Variants in CLVS1 observed in about 807,000 individuals in gnomAD.
CLVS1 encodes the protein clavesin 1.
Under a neutral mutation model 33.1 loss-of-function variants are expected in CLVS1, and 10 were observed. That is an observed-to-expected ratio of 0.30 (90% CI 0.19 to 0.51). CLVS1 has a LOEUF of 0.51. Ranked by LOEUF, CLVS1 falls within the 20% of genes least tolerant of loss-of-function variation. CLVS1 has a pLI of 0.97. For missense variants in CLVS1, 343 were observed against 433.4 expected, an observed-to-expected ratio of 0.79 and a Z score of 1.85; for synonymous variants, 163 against 166.1, an observed-to-expected ratio of 0.98 and a Z score of 0.14.
At chr8:61,259,844 GT>G (rs958359536) in intron 2 of CLVS1, among the ~76,000 whole-genome samples, 7 of 152,288 alleles carry the variant, frequency 4.6e-5, no homozygotes, top group African/African-American at 1.7e-4. Flanking sequence ...GCAGCTGTGG[GT>G]ATATCCCTGC....
At chr8:61,289,280 C>A (rs995784341) in intron 1 of CLVS1, among the ~76,000 whole-genome samples, 1 of 152,224 alleles carries the variant, frequency 6.6e-6, no homozygotes, top group Non-Finnish European at 1.5e-5. Flanking sequence ...TTCTGCCAGG[C>A]TCTGCTTTTA....
intron 2 of CLVS1, among the ~76,000 whole-genome samples, chr8:61,239,165 A>T (rs1471343910): frequency 2.0e-5 from 3 of 152,092 alleles, no homozygotes; most frequent in Non-Finnish European, 4.4e-5. Context: ...GCTTTGTTTA[A>T]TTTTTTTGTT....
At chr8:61,016,085 C>T in the CLVS1 span, among the ~76,000 whole-genome samples, 1 of 152,178 alleles carries the variant, frequency 6.6e-6, no homozygotes, top group Admixed American at 6.5e-5. Context: ...GCTCAGTGTA[C>T]ACAATCTTTG....
intron 2 of CLVS1, among the ~76,000 whole-genome samples, chr8:61,313,587 G>A (rs997545564): frequency 6.6e-6 from 1 of 152,078 alleles, no homozygotes; most frequent in Non-Finnish European, 1.5e-5. Flanking sequence ...ACACTTTCTC[G>A]TGCTTCCTGG....
chr8:61,076,618 A>G (rs1804915345), intron 1 of CLVS1, among the ~76,000 whole-genome samples: 1 of 152,230 alleles, frequency 6.6e-6, no homozygotes, highest in South Asian at 2.1e-4. Flanking sequence ...CTGCTAAATT[A>G]TCTACAGCCT....
chr8:61,169,731 A>G (rs1243953505), intron 2 of CLVS1, among the ~76,000 whole-genome samples: 2 of 152,114 alleles, frequency 1.3e-5, no homozygotes, highest in African/African-American at 4.8e-5. Flanking sequence ...CCTCTCCCCT[A>G]TAAAGATGGT....
At chr8:61,488,516 A>C (rs2129608501) in intron 5 of CLVS1, among the ~76,000 whole-genome samples, 1 of 152,326 alleles carries the variant, frequency 6.6e-6, no homozygotes, top group African/African-American at 2.4e-5. Flanking sequence ...AAGTGGGTAA[A>C]TATGGCTATC....
chr8:61,294,937 G>T (rs931079071), intron 1 of CLVS1, among the ~76,000 whole-genome samples: 1 of 152,088 alleles, frequency 6.6e-6, no homozygotes, highest in Non-Finnish European at 1.5e-5. Flanking sequence ...AAATACAAAA[G>T]GATTTTTTTC....
chr8:61,070,555 C>T (rs551520468), intron 1 of CLVS1, among the ~76,000 whole-genome samples: 1 of 152,212 alleles, frequency 6.6e-6, no homozygotes. Flanking sequence ...AATTCAGAGG[C>T]CTGGCAGGGT....
chr8:61,301,182 T>C (rs773925855), intron 2 of CLVS1: 6 of 152,288 alleles, frequency 3.9e-5, no homozygotes, highest in Non-Finnish European at 7.3e-5. Flanking sequence ...AAGGTTCTTA[T>C]GATCCGCCTT....
intron 2 of CLVS1, among the ~76,000 whole-genome samples, chr8:61,198,813 C>T (rs1281625166): frequency 6.6e-6 from 1 of 152,176 alleles, no homozygotes; most frequent in African/African-American, 2.4e-5. Flanking sequence ...GTGAGAACAT[C>T]CTGTATTTGG....
intron 2 of CLVS1, among the ~76,000 whole-genome samples, chr8:61,364,147 A>T (rs1010429266): frequency 6.6e-6 from 1 of 152,218 alleles, no homozygotes; most frequent in Non-Finnish European, 1.5e-5. Flanking sequence ...GTTTTGAAGG[A>T]TGATCAAGCC....
the CLVS1 span, among the ~76,000 whole-genome samples, chr8:60,990,762 G>T: frequency 6.7e-6 from 1 of 149,864 alleles, no homozygotes; most frequent in African/African-American, 2.5e-5. Flanking sequence ...AGACTGGAGT[G>T]CAGTGGCATA....
At chr8:61,032,095 C>T in the CLVS1 span, among the ~76,000 whole-genome samples, 1 of 152,102 alleles carries the variant, frequency 6.6e-6, no homozygotes. Context: ...TACAACCCAG[C>T]CAGAAATAGC....
At chr8:61,269,890 T>G (rs1354224311) in intron 2 of CLVS1, among the ~76,000 whole-genome samples, 1 of 149,658 alleles carries the variant, frequency 6.7e-6, no homozygotes, top group South Asian at 2.2e-4. Context: ...CTGAAGTTGC[T>G]TATCAGCTTA....
chr8:61,235,735 G>A (rs564710508), intron 2 of CLVS1, among the ~76,000 whole-genome samples: 4 of 152,172 alleles, frequency 2.6e-5, no homozygotes, highest in Non-Finnish European at 5.9e-5. Flanking sequence ...TGATTTGAGT[G>A]GAAGGTTAAT....
intron 3 of CLVS1, among the ~76,000 whole-genome samples, chr8:61,384,516 G>A (rs1379627454): frequency 6.6e-6 from 1 of 152,138 alleles, no homozygotes; most frequent in Non-Finnish European, 1.5e-5. Context: ...GGGAAGTGGT[G>A]GAGGAGGAGT....
chr8:61,089,481 T>G (rs1446497266), intron 1 of CLVS1, among the ~76,000 whole-genome samples: 1 of 152,206 alleles, frequency 6.6e-6, no homozygotes, highest in African/African-American at 2.4e-5. Flanking sequence ...CCTGGTTTAT[T>G]ATTTTTTTCC....
intron 1 of CLVS1, among the ~76,000 whole-genome samples, chr8:61,078,506 A>G (rs1293106439): frequency 6.6e-6 from 1 of 152,108 alleles, no homozygotes; most frequent in East Asian, 1.9e-4. Flanking sequence ...CTTGATTTGT[A>G]TTGCTGTTGG....
Sources: gnomAD v4.1 joint callset for allele counts (sites outside exome capture counted in the v4.1 genomes callset) on GRCh38, gnomAD v4.1.1 for gene constraint, MANE v1.5 for transcripts, NCBI Gene and HGNC (gene_info 2026-07-23, HGNC 2026-07-21) for gene names.